Variants in PDZD7 observed in about 807,000 individuals in gnomAD.
PDZD7 encodes the protein PDZ domain containing 7.
PDZD7 carries 72 observed loss-of-function variants against 84.7 expected under a neutral mutation model. That is an observed-to-expected ratio of 0.85 (90% CI 0.70 to 1.03). The LOEUF (loss-of-function observed/expected upper bound fraction) is 1.03. Among genes scored for constraint, PDZD7 ranks in the 50% least tolerant of loss-of-function variants. The probability of loss-of-function intolerance (pLI) is 0.00; values close to 1 mark genes in which losing one functional copy is unlikely to be tolerated. For synonymous variants in PDZD7, 594 were observed against 580.7 expected, an observed-to-expected ratio of 1.02 and a Z score of -0.33; for missense variants, 1,490 against 1,412.9, an observed-to-expected ratio of 1.05 and a Z score of -0.87.
chr10:101,029,242 C>A (rs2134147072), intron 2 of PDZD7, among the ~76,000 whole-genome samples: 1 of 152,318 alleles, frequency 6.6e-6, no homozygotes, highest in Admixed American at 6.5e-5. Flanking sequence ...TTTTCACTTC[C>A]AGCCTTTGTT....
chr10:101,022,324 T>C lies in PDZD7; in HGVS notation c.604A>G (p.Ser202Gly), dbSNP rs1356656473. Residue 202 changes from serine to glycine, a missense_variant, in exon 5 of 17, where the codon AGC becomes GGC. Coordinates refer to ENST00000619208, the MANE Select transcript of PDZD7 (RefSeq NM_001195263.2). Reference sequence around the variant, plus strand: ...ATGCGCCGGACACCATCTTCTGAGCTGGTGTCGGAGGGTGTTGAACCGCAC... The same window carrying C: ...ATGCGCCGGACACCATCTTCTGAGCCGGTGTCGGAGGGTGTTGAACCGCAC... ...EKCGSTPSDT[S>G]SEDGVRRIVH... 2 of 1,614,214 alleles carry C rather than the reference T, an allele frequency of 1.2e-6. No homozygotes were observed. The highest frequency in any genetic ancestry group is 1.7e-6 in the Non-Finnish European group (2 of 1,180,050).
chr10:101,019,026 G>T lies in PDZD7; in HGVS notation c.1120C>A (p.Pro374Thr). ...GRADTAMQTE[P>T]DAGGRVETWC... ...GTCTCCACCCGGCCTCCCGCATCGG[G>T]CTCCGTCTGCATGGCTGTGTCCGCC... is the stretch of plus-strand genomic sequence containing the variant. Residue 374 changes from proline to threonine, a missense_variant, in exon 8 of 17, where the codon CCC becomes ACC. Transcript: ENST00000619208. The T allele has an allele frequency of 3.2e-6, 5 of 1,572,864 alleles. No individual in the cohort carries two copies. The highest frequency in any genetic ancestry group is 4.3e-6 in the Non-Finnish European group (5 of 1,162,972).
At position 101,010,643 on chromosome 10, in the gene PDZD7, T is replaced by C; in HGVS notation, c.2246A>G (p.Asn749Ser). 2 of 1,503,868 alleles carry C rather than the reference T, an allele frequency of 1.3e-6. No homozygotes were observed. The allele number at this position is 1,503,868 out of a possible 1,614,324, so 93.2% of individuals were successfully genotyped here. A position where few individuals can be genotyped will look rare whatever the true frequency, so the allele number is the denominator to read the frequency against. Residue 749 changes from asparagine to serine, a missense_variant, in exon 15 of 17, where the codon AAC becomes AGC. By Grantham distance (46) the Asn-to-Ser change is conservative. Coordinates refer to ENST00000619208, the MANE Select transcript of PDZD7 (RefSeq NM_001195263.2). Reference sequence around the variant, plus strand: ...GCTCAGGGGTTCTGTCAGCAGCCAGTTAGGCCGCAGGGGCCGGGGAGCCAC... The same window carrying C: ...GCTCAGGGGTTCTGTCAGCAGCCAGCTAGGCCGCAGGGGCCGGGGAGCCAC... ...PPVAPRPLRP[N>S]WLLTEPLSRE... is the part of the protein sequence containing the mutation.
rs955464671 is a variant in PDZD7 at position 101,007,745 on chromosome 10, G to C, written c.*722C>G. The C allele has an allele frequency of 2.7e-6, 2 of 732,302 alleles. No individual in the cohort carries two copies. Among genetic ancestry groups the C allele is most frequent in the African/African-American group, 3.9e-5 (2 of 51,940 alleles). 45.4% of individuals were successfully genotyped at this position (732,302 alleles called of 1,614,324 possible). ...AGCCTCTCCCTTCACCCAGGTTTAT[G>C]GCCTCGTTTTCACTTGTATATTTTT... is the stretch of plus-strand genomic sequence containing the variant. On this transcript the variant is annotated 3_prime_UTR_variant, in exon 17 of 17. Transcript: ENST00000619208.
In PDZD7 at chr10:101,017,326, T is replaced by C; in HGVS notation, c.1522+773A>G. The C allele has an allele frequency of 5.7e-6, 2 of 349,972 alleles. 1 individual carries two copies. The highest frequency in any genetic ancestry group is 1.3e-4 in the South Asian group (2 of 15,224). 21.7% of individuals were successfully genotyped at this position (349,972 alleles called of 1,614,324 possible). ...ATGGAGGGGGACAGATGTCTGATGA[T>C]GTTGCTCAGATGTTTAGACCCAGCT... is the stretch of plus-strand genomic sequence containing the variant. On this transcript the variant is annotated intron_variant, in intron 9 of 16. Transcript: ENST00000619208.
At position 101,018,268 on chromosome 10, in the gene PDZD7, C is replaced by T. The variant is rs757615613; in HGVS notation, c.1353G>A (p.Lys451=). The change falls in exon 9 of 17, where the codon AAG becomes AAA. Residue 451 remains lysine, a synonymous_variant. Coordinates refer to ENST00000619208, the MANE Select transcript of PDZD7 (RefSeq NM_001195263.2). ...WEEKQQRKKE[K]SGSPGEKGAL... is the part of the protein sequence containing the mutation. ...CACCCTTCTCCCCAGGGGACCCCGA[C>T]TTCTCCTTCTTCCGCTGCTGCTTCT... The T allele has an allele frequency of 3.6e-5, 58 of 1,613,800 alleles. No homozygotes were observed. Among genetic ancestry groups the T allele is most frequent in the Middle Eastern group, 3.4e-4 (2 of 5,878 alleles).
chr10:101,008,303 G>T lies in PDZD7; in HGVS notation c.*164C>A. ...TTGGACACTAAGGCAGAGCCTTAAT[G>T]ACAGCTGAGGAGGGAAGAAAGTGGA... On this transcript the variant is annotated 3_prime_UTR_variant, in exon 17 of 17. Coordinates refer to ENST00000619208, the MANE Select transcript of PDZD7 (RefSeq NM_001195263.2). 1 of 767,572 alleles carries T rather than the reference G, an allele frequency of 1.3e-6. No homozygotes were observed. The highest frequency in any genetic ancestry group is 2.0e-6 in the Non-Finnish European group (1 of 493,066). The allele number at this position is 767,572 out of a possible 1,614,324, so 47.5% of individuals were successfully genotyped here.
Position 101,024,021 on chromosome 10 carries a change from T to C in PDZD7, c.274A>G (p.Ser92Gly), listed in dbSNP as rs1215570413. The C allele has an allele frequency of 6.2e-7, 1 of 1,614,138 alleles. No homozygotes were observed. Among genetic ancestry groups the C allele is most frequent in the East Asian group, 2.2e-5 (1 of 44,900 alleles). The change falls in exon 3 of 17, where the codon AGT (serine) becomes GGT (glycine). Residue 92 changes from serine (S) to glycine (G), a missense_variant. Transcript: ENST00000619208. ...CTGAAGCCCAGCCTCCCTGCTGGAC[T>C]CTTCTCCACCCGGACTGAATGGATG... The part of the protein sequence containing the change: ...DIIHSVRVEK[S>G]PAGRLGFSVR...
At chr10:101,014,920 A>G (rs1396853654) in intron 11 of PDZD7, among the ~76,000 whole-genome samples, 1 of 152,210 alleles carries the variant, frequency 6.6e-6, no homozygotes, top group African/African-American at 2.4e-5. Context: ...CAAAGAGCCC[A>G]GTGTACACAC....
rs1467076771 is a variant in PDZD7 at position 101,010,502 on chromosome 10, G to A, written c.2387C>T (p.Ser796Phe). Reference protein sequence around the residue: ...RGQGKSPGRRSPSPVPTPAPS... With the variant: ...RGQGKSPGRRFPSPVPTPAPS... ...GGCAGGGGTAGGCACCGGGGATGGG[G>A]AGCGTCTACCTGGAGACTTGCCTTG... Residue 796 changes from serine to phenylalanine, a missense_variant, in exon 15 of 17, where the codon TCC becomes TTC. Transcript: ENST00000619208. The A allele has an allele frequency of 3.3e-6, 5 of 1,534,164 alleles. No individual in the cohort carries two copies. The East Asian group carries it at 1.2e-4, about 38-fold the overall frequency.
In PDZD7 at chr10:101,010,923, T is replaced by A. The variant is rs746147068; in HGVS notation, c.2006-40A>T. 8 of 1,533,382 alleles carry A rather than the reference T, an allele frequency of 5.2e-6. No homozygotes were observed. In the South Asian group the frequency reaches 9.5e-5, roughly 18 times the overall value. The allele number at this position is 1,533,382 out of a possible 1,614,324, so 95.0% of individuals were successfully genotyped here. A position where few individuals can be genotyped will look rare whatever the true frequency, so the allele number is the denominator to read the frequency against. ...CAAGGTCAGCTGCCCACTCCTCCCC[T>A]CTCCAGGACCCAGGCCTTGCTTTGG... On this transcript the variant is annotated intron_variant, in intron 14 of 16. Coordinates refer to ENST00000619208, the MANE Select transcript of PDZD7 (RefSeq NM_001195263.2).
intron 11 of PDZD7, among the ~76,000 whole-genome samples, chr10:101,014,356 G>A (rs1852512605): frequency 1.3e-5 from 2 of 152,106 alleles, no homozygotes; most frequent in South Asian, 4.1e-4. Context: ...GGTGGTGGTT[G>A]AGCTCGGCAG....
intron 4 of PDZD7, 25 bp downstream of exon 4, chr10:101,023,411 C>T (rs1451221123): frequency 6.2e-7 from 1 of 1,613,840 alleles, no homozygotes; most frequent in Admixed American, 1.7e-5. Context: ...AAGGCCAGGG[C>T]TAGGATGAGG....
At position 101,018,894 on chromosome 10, in the gene PDZD7, T is replaced by C. The variant is rs1161289552; in HGVS notation, c.1252A>G (p.Thr418Ala). The change falls in exon 8 of 17, where the codon ACG (threonine) becomes GCG (alanine). Residue 418 changes from threonine to alanine, a missense_variant. Transcript: ENST00000619208. ...CGGCTGAGGGCCAGCAGCAAAGCCG[T>C]CTTGGGAGACTCAGAGAGCGCAGAG... ...LDSALSESPK[T>A]ALLLALSRPR... 6.2e-7 allele frequency: 1 copy of C among 1,605,184 alleles called. No homozygotes were observed. The highest frequency in any genetic ancestry group is 8.5e-7 in the Non-Finnish European group (1 of 1,176,448).
rs1029237637 is a variant in PDZD7 at position 101,016,447 on chromosome 10, T to G, written c.1523-20A>C. ...CCCCTGCTATGAAGAAGAAAGAGGCTCAGCTGCAGGCCTTGGCCCCCAGTC... is the reference window on the plus strand; with the variant it reads ...CCCCTGCTATGAAGAAGAAAGAGGCGCAGCTGCAGGCCTTGGCCCCCAGTC... On this transcript the variant is annotated intron_variant, in intron 9 of 16. Transcript: ENST00000619208. 6.4e-7 allele frequency: 1 copy of G among 1,550,528 alleles called. No individual in the cohort carries two copies. The highest frequency in any genetic ancestry group is 1.4e-5 in the African/African-American group (1 of 73,148).
In PDZD7 at chr10:101,023,357, G is replaced by T. The variant is rs1853235410; in HGVS notation, c.542+79C>A. The T allele has an allele frequency of 5.2e-5, 81 of 1,564,894 alleles. No homozygotes were observed. In the South Asian group the frequency reaches 9.0e-4, roughly 17 times the overall value. On this transcript the variant is annotated intron_variant, in intron 4 of 16. Transcript: ENST00000619208. Reference sequence around the variant, plus strand: ...AGCAGGAGGAACAGAAGCCTCTCCTGCCAGTGGGTTTTGGGTGTTGGTAGG... The same window carrying T: ...AGCAGGAGGAACAGAAGCCTCTCCTTCCAGTGGGTTTTGGGTGTTGGTAGG...
intron 6 of PDZD7, 57 bp downstream of exon 6, chr10:101,021,741 G>A (rs1200277450): frequency 6.2e-7 from 1 of 1,611,004 alleles, no homozygotes; most frequent in Admixed American, 1.7e-5. Context: ...GAACTAGGGT[G>A]GTCTGGGAAG....
chr10:101,028,578 G>A (rs942594116), intron 2 of PDZD7, among the ~76,000 whole-genome samples: 22 of 149,338 alleles, frequency 1.5e-4, no homozygotes, highest in Admixed American at 5.4e-4. Flanking sequence ...TTGGGTGAGC[G>A]ACAGAGCAAG....
chr10:101,014,407 AG>A (rs1311893501), intron 11 of PDZD7, among the ~76,000 whole-genome samples: 1 of 152,076 alleles, frequency 6.6e-6, no homozygotes, highest in African/African-American at 2.4e-5. Context: ...GCAGAGGAGA[AG>A]GGAGGGATGA....
Sources: gnomAD v4.1 joint callset for allele counts (sites outside exome capture counted in the v4.1 genomes callset) on GRCh38, gnomAD v4.1.1 for gene constraint, MANE v1.5 for transcripts, NCBI Gene and HGNC (gene_info 2026-07-23, HGNC 2026-07-21) for gene names.